The following ENAH variants were observed in gnomAD, a reference collection of about 807,000 sequenced individuals.
ENAH encodes the protein protein enabled homolog.
In ENAH, 23 loss-of-function variants were observed where a neutral mutation model predicts 78.7. The observed-to-expected ratio is 0.29, with a 90% CI of 0.21 to 0.41. The LOEUF (loss-of-function observed/expected upper bound fraction) is 0.41, where lower values mean the gene tolerates loss of function less well. Ranked by LOEUF, ENAH falls within the 10% of genes least tolerant of loss-of-function variation. The probability of loss-of-function intolerance (pLI) is 1.00; values close to 1 mark genes in which losing one functional copy is unlikely to be tolerated. For missense variants in ENAH, 544 were observed against 691.0 expected (o/e 0.79, Z 2.39); for synonymous variants, 226 against 241.0 (o/e 0.94, Z 0.58).
rs1167746409 is a variant in ENAH, at chr1:225,487,641, A to C, written c.*10134T>G. 2 of 152,244 alleles carry C rather than the reference A, an allele frequency of 1.3e-5. No individual in the cohort carries two copies. The highest frequency in any genetic ancestry group is 6.5e-5 in the Admixed American group (1 of 15,280). The allele number at this position is 152,244 out of a possible 1,614,324, so 9.4% of individuals were successfully genotyped here. A position where few individuals can be genotyped will look rare whatever the true frequency, so the allele number is the denominator to read the frequency against. On this transcript the variant is annotated 3_prime_UTR_variant, in exon 14 of 14. Coordinates refer to ENST00000366843, the MANE Select transcript of ENAH (RefSeq NM_018212.6). ...TTAAGTCAACCTTAACTTTTAAAAC[A>C]TGACTTCAGTATACGCAACCTTAGG...
At chr1:225,535,403 A>G (rs774946527) in intron 3 of ENAH, 4 of 612,920 alleles carry the variant, frequency 6.5e-6, no homozygotes, top group Non-Finnish European at 1.0e-5. Flanking sequence ...ATATATCCCA[A>G]ATATCACAAA....
At chr1:225,567,602 A>C (rs190596035) in intron 1 of ENAH, among the ~76,000 whole-genome samples, 188 bp from the exon 2 acceptor site, 7 of 152,268 alleles carry the variant, frequency 4.6e-5, no homozygotes. Flanking sequence ...AAACCAAAAA[A>C]AATAAAGTAT....
At chr1:225,647,130 G>A (rs947806352) in intron 1 of ENAH, among the ~76,000 whole-genome samples, 1 of 152,098 alleles carries the variant, frequency 6.6e-6, no homozygotes, top group African/African-American at 2.4e-5. Context: ...GGAGGCTGAG[G>A]CTAGAGAATT....
intron 1 of ENAH, among the ~76,000 whole-genome samples, chr1:225,601,651 T>TC (rs1262814190): frequency 6.6e-6 from 1 of 152,268 alleles, no homozygotes; most frequent in Admixed American, 6.5e-5. Flanking sequence ...ACATTTTTTT[T>TC]CTCACATACC....
intron 1 of ENAH, among the ~76,000 whole-genome samples, chr1:225,587,377 G>A (rs1158347124): frequency 6.6e-6 from 1 of 152,144 alleles, no homozygotes; most frequent in Non-Finnish European, 1.5e-5. Context: ...TTTTTATATA[G>A]TAGCAACAAC....
chr1:225,564,297 GT>G (rs375976118), intron 2 of ENAH, among the ~76,000 whole-genome samples: 1 of 148,764 alleles, frequency 6.7e-6, no homozygotes, highest in African/African-American at 2.5e-5. Flanking sequence ...GGGGTTTTTT[GT>G]TTTTTTTTGA....
At chr1:225,617,776 G>A (rs1024876680) in intron 1 of ENAH, among the ~76,000 whole-genome samples, 2 of 152,086 alleles carry the variant, frequency 1.3e-5, no homozygotes, top group African/African-American at 4.8e-5. Flanking sequence ...CACACAATAT[G>A]AATAAATCTC....
Position 225,643,213 on chromosome 1 carries a change from C to G in ENAH, c.5+9473G>C, listed in dbSNP as rs184446228. ...GGGAAATAACAATATCTGATTTCCA[C>G]TTTAAGAGTATTCTGAGTGATGCAT... On this transcript the variant is annotated intron_variant, in intron 1 of 13. Coordinates refer to ENST00000366843, the MANE Select transcript of ENAH (RefSeq NM_018212.6). Among the ~76,000 whole-genome samples the G allele has an allele frequency of 6.6e-5, 10 of 152,136 alleles. No individual in the cohort carries two copies. The East Asian group carries it at 1.9e-3, about 29-fold the overall frequency.
intron 1 of ENAH, among the ~76,000 whole-genome samples, chr1:225,620,191 T>A (rs77140543): frequency 0.043 from 6,484 of 151,922 alleles, 227 homozygotes; most frequent in South Asian, 0.1. Flanking sequence ...TATCTCTGAA[T>A]GCTTTTCAAT....
intron 1 of ENAH, among the ~76,000 whole-genome samples, chr1:225,600,262 G>A (rs2096923833): frequency 6.6e-6 from 1 of 152,142 alleles, no homozygotes; most frequent in Non-Finnish European, 1.5e-5. Context: ...CGCTATTCGG[G>A]AGACGGAGGC....
intron 13 of ENAH, 73 bp downstream of exon 13, chr1:225,498,274 A>G: frequency 8.1e-7 from 1 of 1,238,084 alleles, no homozygotes; most frequent in Non-Finnish European, 1.2e-6. Context: ...GTATTTCCTT[A>G]TTTGCATTTT....
chr1:225,628,918 AAAAAG>A (rs1435379397), intron 1 of ENAH, among the ~76,000 whole-genome samples: 2 of 151,808 alleles, frequency 1.3e-5, no homozygotes, highest in Non-Finnish European at 2.9e-5. Flanking sequence ...AAAAAAAAAA[AAAAAG>A]ATGGTGCAAC....
At chr1:225,653,236 G>T (rs1391112424), upstream of ENAH, 1 of 150,546 alleles carries the variant, frequency 6.6e-6, no homozygotes, top group African/African-American at 2.4e-5. This position sits in a 1 kb window ranked among gnomAD's most constrained non-coding sequence, Gnocchi z 4.3. Flanking sequence ...GGGGGGAGGG[G>T]AGGAAAGGGG....
At chr1:225,599,753 A>C (rs1440357815) in intron 1 of ENAH, among the ~76,000 whole-genome samples, 2 of 144,810 alleles carry the variant, frequency 1.4e-5, no homozygotes, top group Non-Finnish European at 3.0e-5. Flanking sequence ...CCAAGATTGC[A>C]CCACTGCACT....
intron 1 of ENAH, among the ~76,000 whole-genome samples, chr1:225,601,785 A>AT (rs1200699596): frequency 6.6e-6 from 1 of 152,000 alleles, no homozygotes; most frequent in Non-Finnish European, 1.5e-5. Flanking sequence ...AACTAAAAAA[A>AT]ATATAACTTA....
At chr1:225,550,740 G>C (rs1303095218) in intron 3 of ENAH, among the ~76,000 whole-genome samples, 2 of 152,028 alleles carry the variant, frequency 1.3e-5, no homozygotes, top group African/African-American at 4.8e-5. Flanking sequence ...ATGTTCAATA[G>C]ATTAAAAAAT....
chr1:225,505,736 G>C (rs1230523046), intron 11 of ENAH, among the ~76,000 whole-genome samples: 2 of 150,328 alleles, frequency 1.3e-5, no homozygotes, highest in Admixed American at 1.3e-4. Flanking sequence ...GTTTAAAACA[G>C]CTTTTGGTGA....
intron 3 of ENAH, among the ~76,000 whole-genome samples, chr1:225,549,428 T>C (rs567753585): frequency 2.0e-4 from 30 of 152,224 alleles, no homozygotes; most frequent in African/African-American, 6.7e-4. Context: ...ACACACCTGG[T>C]CATCATTTTA....
intron 4 of ENAH, among the ~76,000 whole-genome samples, chr1:225,525,969 T>TA (rs1293698483): frequency 6.6e-6 from 1 of 152,178 alleles, no homozygotes; most frequent in Non-Finnish European, 1.5e-5. Flanking sequence ...GCAAACTGTA[T>TA]ACAGCCCTAG....
Sources: gnomAD v4.1 joint callset for allele counts (sites outside exome capture counted in the v4.1 genomes callset) on GRCh38, gnomAD v4.1.1 for gene constraint, Gnocchi (gnomAD v3.1) non-coding constraint, MANE v1.5 for transcripts, NCBI Gene and HGNC (gene_info 2026-07-23, HGNC 2026-07-21) for gene names.